Variants in PLSCR2 observed in about 807,000 individuals in gnomAD.
PLSCR2 encodes the protein phospholipid scramblase 2, also known as PL scramblase 2.
In PLSCR2, 18 loss-of-function variants were observed where a neutral mutation model predicts 25.3. The observed-to-expected ratio is 0.71, with a 90% CI of 0.49 to 1.06. The LOEUF is 1.06. Ranked by LOEUF, PLSCR2 falls within the 50% of genes least tolerant of loss-of-function variation. PLSCR2 has a pLI of 0.00. For missense variants in PLSCR2, 243 were observed against 269.5 expected, an observed-to-expected ratio of 0.90 and a Z score of 0.69; for synonymous variants, 88 against 87.3, an observed-to-expected ratio of 1.01 and a Z score of -0.04.
At chr3:146,458,702 A>T (rs2041368439) in intron 2 of PLSCR2, among the ~76,000 whole-genome samples, 2 of 152,082 alleles carry the variant, frequency 1.3e-5, no homozygotes, top group Admixed American at 6.5e-5. Context: ...ATATAGTGGA[A>T]TCCCTATAAA....
intron 6 of PLSCR2, among the ~76,000 whole-genome samples, chr3:146,447,495 G>C (rs2040621491): frequency 6.6e-6 from 1 of 152,148 alleles, no homozygotes; most frequent in Non-Finnish European, 1.5e-5. Context: ...ACATTGTCTG[G>C]GTGCTAGGGC....
At chr3:146,463,230 G>A (rs1470575471), upstream of PLSCR2, among the ~76,000 whole-genome samples, 2 of 152,094 alleles carry the variant, frequency 1.3e-5, no homozygotes, top group African/African-American at 4.8e-5. Flanking sequence ...CTGTCGGAGT[G>A]CAGTGGCGAG....
In PLSCR2 at chr3:146,399,605, T is replaced by C. The variant is rs192364781; in HGVS notation, c.101-3684A>G. 1.1e-4 allele frequency among the ~76,000 whole-genome samples: 16 copies of C among 151,884 alleles called. No homozygotes were observed. The East Asian group carries it at 1.3e-3, about 13-fold the overall frequency. ...TTAGGAAGCAAGCATTTGAGAGAAATTGTTTCTCCTGAATATACTTCCATT... is the reference window on the plus strand; with the variant it reads ...TTAGGAAGCAAGCATTTGAGAGAAACTGTTTCTCCTGAATATACTTCCATT... On this transcript the variant is annotated intron_variant and NMD_transcript_variant, in intron 2 of 3. Coordinates refer to the PLSCR2 transcript ENST00000463633.
At chr3:146,399,271 A>G (rs1178197669) in intron 2 of PLSCR2, among the ~76,000 whole-genome samples, 1 of 151,838 alleles carries the variant, frequency 6.6e-6, no homozygotes, top group Non-Finnish European at 1.5e-5. Context: ...TTTTATTTAA[A>G]GCTCAGTTCA....
intron 1 of PLSCR2, chr3:146,494,791 T>C (rs1463578524): frequency 6.6e-6 from 1 of 152,192 alleles, no homozygotes; most frequent in African/African-American, 2.4e-5. Flanking sequence ...GCATTATGCT[T>C]CACCCAAATA....
chr3:146,454,246 C>T, intron 4 of PLSCR2, 83 bp from the exon 5 acceptor site: 1 of 984,840 alleles, frequency 1.0e-6, no homozygotes, highest in Non-Finnish European at 1.5e-6. Context: ...TGAGCATTTC[C>T]TAAGTGCCAG....
chr3:146,459,807 GT>G (rs201700558), intron 2 of PLSCR2, 40 bp downstream of exon 2: 86,269 of 1,154,488 alleles, frequency 0.075, 1,341 homozygotes, highest in African/African-American at 0.21. Context: ...CAGAAAGAGA[GT>G]TTTTTTTTTT....
At chr3:146,428,863 A>G (rs2039445953), downstream of PLSCR2, among the ~76,000 whole-genome samples, 3 of 152,230 alleles carry the variant, frequency 2.0e-5, no homozygotes, top group South Asian at 4.1e-4. Flanking sequence ...TAAAAGTTGC[A>G]AAACAGAAAT....
At chr3:146,411,670 G>A (rs774257205) in intron 2 of PLSCR2, among the ~76,000 whole-genome samples, 3 of 152,140 alleles carry the variant, frequency 2.0e-5, no homozygotes, top group Non-Finnish European at 4.4e-5. Flanking sequence ...CCATTTAGCC[G>A]GCGGCCAAGA....
At chr3:146,394,411 G>C (rs920794018) in intron 3 of PLSCR2, among the ~76,000 whole-genome samples, 1 of 151,998 alleles carries the variant, frequency 6.6e-6, no homozygotes, top group Non-Finnish European at 1.5e-5. Context: ...CAGATTACAG[G>C]CATGTGTCAC....
chr3:146,432,531 A>G (rs1341937008), downstream of PLSCR2, among the ~76,000 whole-genome samples: 1 of 152,210 alleles, frequency 6.6e-6, no homozygotes, highest in Non-Finnish European at 1.5e-5. Flanking sequence ...CCATATCTGT[A>G]TAAGTCACAT....
chr3:146,393,027 C>CTTT (rs1296969192), intron 3 of PLSCR2, among the ~76,000 whole-genome samples: 1,300 of 104,396 alleles, frequency 0.012, 81 homozygotes, highest in African/African-American at 0.04. Context: ...ATTTACATTC[C>CTTT]TTTTTTTTTT....
intron 2 of PLSCR2, among the ~76,000 whole-genome samples, chr3:146,423,243 C>CTG (rs2039214590): frequency 1.3e-5 from 1 of 75,324 alleles, no homozygotes; most frequent in Non-Finnish European, 3.1e-5. Context: ...GCCTCTCTCT[C>CTG]TCTCTCTCTC....
chr3:146,451,082 T>G (rs190693889), intron 5 of PLSCR2, among the ~76,000 whole-genome samples: 235 of 147,796 alleles, frequency 1.6e-3, no homozygotes, highest in African/African-American at 5.5e-3. Context: ...ATTTACAACA[T>G]CATAAGAAGT....
chr3:146,426,904 A>G (rs1304737016), intron 2 of PLSCR2, among the ~76,000 whole-genome samples: 1 of 152,216 alleles, frequency 6.6e-6, no homozygotes, highest in East Asian at 1.9e-4. Context: ...TTATGGAAGA[A>G]AGACAAGGTA....
downstream of PLSCR2, among the ~76,000 whole-genome samples, chr3:146,432,812 A>T (rs1488508919): frequency 6.6e-6 from 1 of 152,196 alleles, no homozygotes; most frequent in Admixed American, 6.5e-5. Flanking sequence ...TCCATATACT[A>T]GCCATGTAAT....
At position 146,445,787 on chromosome 3, in the gene PLSCR2, G is replaced by T. The variant is rs559561195; in HGVS notation, c.645+3419C>A. Among the ~76,000 whole-genome samples the T allele has an allele frequency of 2.7e-3, 415 of 152,064 alleles. 2 individuals carry two copies. Among genetic ancestry groups the T allele is most frequent in the African/African-American group, 9.5e-3 (396 of 41,474 alleles). On this transcript the variant is annotated intron_variant, in intron 6 of 6. Coordinates refer to ENST00000610787, the Ensembl canonical transcript of PLSCR2. ...TTTAGGACAAATAACTCTTAGATTTGCCGTTTTGAGGCTGTTTTCTGGATC... is the reference window on the plus strand; with the variant it reads ...TTTAGGACAAATAACTCTTAGATTTTCCGTTTTGAGGCTGTTTTCTGGATC...
In PLSCR2 at chr3:146,449,390, AC is replaced by A. The variant is rs774187491; in HGVS notation, c.484-24del. On this transcript the variant is annotated intron_variant, in intron 5 of 6. Coordinates refer to ENST00000610787, the Ensembl canonical transcript of PLSCR2. ...AATCTAAATTGCAAAAAAAAAAAAA[AC>A]TTAAAAATTTCTAGAAAACTTATAG... 3.2e-5 allele frequency: 47 copies of A among 1,480,548 alleles called. No homozygotes were observed. The African/African-American group carries it at 5.7e-4, about 18-fold the overall frequency. 91.7% of individuals were successfully genotyped at this position (1,480,548 alleles called of 1,614,324 possible). A position where few individuals can be genotyped will look rare whatever the true frequency, so the allele number is the denominator to read the frequency against.
downstream of PLSCR2, among the ~76,000 whole-genome samples, chr3:146,438,388 A>G (rs907294501): frequency 2.0e-5 from 3 of 152,134 alleles, no homozygotes; most frequent in Non-Finnish European, 4.4e-5. Flanking sequence ...AAAGTCTCCC[A>G]TTATTATTGT....
Sources: gnomAD v4.1 joint callset for allele counts (sites outside exome capture counted in the v4.1 genomes callset) on GRCh38, gnomAD v4.1.1 for gene constraint, MANE v1.5 for transcripts, NCBI Gene and HGNC (gene_info 2026-07-23, HGNC 2026-07-21) for gene names.